Variants in FAM163A observed in about 807,000 individuals in gnomAD.
The protein encoded by FAM163A is family with sequence similarity 163 member A, also known as protein FAM163A.
A neutral mutation model predicts 12.0 loss-of-function variants in FAM163A; 7 were observed. That is an observed-to-expected ratio of 0.58 (90% CI 0.33 to 1.10). The LOEUF is 1.10. FAM163A is among the 50% of genes least tolerant of loss of function. The pLI, the probability that FAM163A is intolerant of heterozygous loss-of-function variation, is 0.03. For synonymous variants in FAM163A, 101 were observed against 91.0 expected (o/e 1.11, Z -0.62); for missense variants, 202 against 218.6 (o/e 0.92, Z 0.48).
At chr1:179,746,903 T>G (rs907613610) in intron 1 of FAM163A, among the ~76,000 whole-genome samples, 1 of 152,038 alleles carries the variant, frequency 6.6e-6, no homozygotes, top group African/African-American at 2.4e-5. Flanking sequence ...TGGGGAGAGG[T>G]GTCTTTGGAC....
intron 1 of FAM163A, among the ~76,000 whole-genome samples, chr1:179,796,132 TACACAC>T (rs35899165): frequency 2.1e-4 from 30 of 145,444 alleles, no homozygotes; most frequent in South Asian, 1.8e-3. Flanking sequence ...CATTCAATAA[TACACAC>T]ACACACACAC....
intron 1 of FAM163A, among the ~76,000 whole-genome samples, chr1:179,776,262 C>T (rs144118285): frequency 7.6e-4 from 116 of 152,052 alleles, no homozygotes; most frequent in Non-Finnish European, 1.2e-3. Flanking sequence ...GTTGGGTGGC[C>T]GAGGTGAGCT....
intron 1 of FAM163A, among the ~76,000 whole-genome samples, chr1:179,750,847 T>C (rs1212708750): frequency 1.3e-5 from 2 of 152,196 alleles, no homozygotes; most frequent in African/African-American, 4.8e-5. Flanking sequence ...AAGTGACAGT[T>C]GTTTAGACTG....
intron 1 of FAM163A, among the ~76,000 whole-genome samples, chr1:179,762,689 C>T (rs1443491740): frequency 2.0e-5 from 3 of 152,204 alleles, no homozygotes; most frequent in Non-Finnish European, 4.4e-5. Flanking sequence ...AGGGAGGCTT[C>T]GGCTCACATC....
chr1:179,769,768 G>C (rs1042217965), intron 1 of FAM163A, among the ~76,000 whole-genome samples: 1 of 152,122 alleles, frequency 6.6e-6, no homozygotes, highest in Non-Finnish European at 1.5e-5. Flanking sequence ...CCTGGACCTA[G>C]AGTGCTTCTC....
intron 1 of FAM163A, among the ~76,000 whole-genome samples, chr1:179,776,009 G>T (rs1688916422): frequency 6.6e-6 from 1 of 152,170 alleles, no homozygotes; most frequent in African/African-American, 2.4e-5. Flanking sequence ...ATGGGGTGGG[G>T]GTTGGGTGGC....
At chr1:179,782,356 G>A (rs547658142) in intron 1 of FAM163A, among the ~76,000 whole-genome samples, 1 of 152,128 alleles carries the variant, frequency 6.6e-6, no homozygotes, top group Non-Finnish European at 1.5e-5. Flanking sequence ...TGTGGGGGCA[G>A]AGATGGGGAA....
At chr1:179,739,297 G>T (rs1683356712), upstream of FAM163A, among the ~76,000 whole-genome samples, 1 of 151,818 alleles carries the variant, frequency 6.6e-6, no homozygotes, top group Non-Finnish European at 1.5e-5. Flanking sequence ...CTCCATAATA[G>T]AAAAAATAGT....
chr1:179,767,639 C>T (rs940545007), intron 1 of FAM163A, among the ~76,000 whole-genome samples: 6 of 152,116 alleles, frequency 3.9e-5, no homozygotes, highest in African/African-American at 1.4e-4. Context: ...TCCTACCTTA[C>T]AGAGCCTGTC....
At chr1:179,790,712 C>G (rs1691346813) in intron 1 of FAM163A, among the ~76,000 whole-genome samples, 1 of 152,088 alleles carries the variant, frequency 6.6e-6, no homozygotes, top group East Asian at 1.9e-4. Context: ...ACTTTGAAGA[C>G]ACAGTTGAAG....
chr1:179,746,230 C>T (rs920254169), intron 1 of FAM163A, among the ~76,000 whole-genome samples: 6 of 152,120 alleles, frequency 3.9e-5, no homozygotes, highest in Non-Finnish European at 8.8e-5. Flanking sequence ...ACGCCCATGC[C>T]ATCTGACCTA....
At chr1:179,759,392 G>C (rs1157071861) in intron 1 of FAM163A, among the ~76,000 whole-genome samples, 1 of 151,428 alleles carries the variant, frequency 6.6e-6, no homozygotes, top group Non-Finnish European at 1.5e-5. Flanking sequence ...GAGAAAACAA[G>C]CAGGCTACCA....
chr1:179,754,771 T>A (rs1685765498), intron 1 of FAM163A, among the ~76,000 whole-genome samples: 1 of 152,168 alleles, frequency 6.6e-6, no homozygotes, highest in African/African-American at 2.4e-5. Context: ...GGACCCTGAC[T>A]TGACCTTGTA....
chr1:179,755,837 C>T (rs1259214394), intron 1 of FAM163A, among the ~76,000 whole-genome samples: 1 of 152,136 alleles, frequency 6.6e-6, no homozygotes, highest in African/African-American at 2.4e-5. Flanking sequence ...GGTGACCCCG[C>T]AATCCATGAT....
chr1:179,803,713 C>G (rs552991590), intron 1 of FAM163A, among the ~76,000 whole-genome samples: 18 of 152,098 alleles, frequency 1.2e-4, no homozygotes, highest in African/African-American at 3.9e-4. Flanking sequence ...GGATTACAGG[C>G]ACGTGCTACC....
At chr1:179,810,985 G>A (rs537256484) in intron 2 of FAM163A, among the ~76,000 whole-genome samples, 2 of 152,288 alleles carry the variant, frequency 1.3e-5, no homozygotes, top group East Asian at 3.9e-4. Context: ...AGAGGTTGCA[G>A]TGAGCCAAGA....
chr1:179,744,476 A>C (rs1684159393), intron 1 of FAM163A, among the ~76,000 whole-genome samples: 1 of 152,130 alleles, frequency 6.6e-6, no homozygotes, highest in African/African-American at 2.4e-5. Flanking sequence ...GGTGGGTGGC[A>C]TCCTGGTTCT....
upstream of FAM163A, among the ~76,000 whole-genome samples, chr1:179,738,329 T>C (rs1362439476): frequency 1.3e-5 from 2 of 152,262 alleles, no homozygotes; most frequent in Non-Finnish European, 2.9e-5. Flanking sequence ...GCACATTATA[T>C]ACTTGTATCA....
chr1:179,799,830 C>T (rs1446153597), intron 1 of FAM163A, among the ~76,000 whole-genome samples: 1 of 152,212 alleles, frequency 6.6e-6, no homozygotes, highest in African/African-American at 2.4e-5. Context: ...AAATTGCCCA[C>T]ACTCGTGTAA....
Sources: gnomAD v4.1 joint callset for allele counts (sites outside exome capture counted in the v4.1 genomes callset) on GRCh38, gnomAD v4.1.1 for gene constraint, MANE v1.5 for transcripts, NCBI Gene and HGNC (gene_info 2026-07-23, HGNC 2026-07-21) for gene names.